Variants in PTPN6 observed in about 807,000 individuals in gnomAD.
PTPN6 encodes protein tyrosine phosphatase non-receptor type 6, also known as tyrosine-protein phosphatase non-receptor type 6.
PTPN6 carries 18 observed loss-of-function variants against 81.5 expected under a neutral mutation model. The ratio of observed to expected loss-of-function variants is 0.22; its 90% CI spans 0.15 to 0.33. The LOEUF is 0.33. Among genes scored for constraint, PTPN6 ranks in the 10% least tolerant of loss-of-function variants. The probability of loss-of-function intolerance (pLI) is 1.00; values close to 1 mark genes in which losing one functional copy is unlikely to be tolerated. For missense variants in PTPN6, 500 were observed against 794.2 expected (o/e 0.63, Z 4.45); for synonymous variants, 301 against 310.9 (o/e 0.97, Z 0.33).
At position 6,952,013 on chromosome 12, in the gene PTPN6, C is replaced by T; in HGVS notation, c.162C>T (p.Ile54=). The T allele has an allele frequency of 6.2e-7, 1 of 1,614,138 alleles. No homozygotes were observed. Among genetic ancestry groups the T allele is most frequent in the Non-Finnish European group, 8.5e-7 (1 of 1,180,026 alleles). Residue 54 remains isoleucine (I), a synonymous_variant, in exon 3 of 16, where the codon ATC becomes ATT. Coordinates refer to ENST00000318974, the MANE Select transcript of PTPN6 (RefSeq NM_002831.6). This position sits in a 1 kb window ranked among gnomAD's most constrained non-coding sequence, Gnocchi z 8.1. Reference sequence around the variant, plus strand: ...GGGATCAGGTGACCCATATTCGGATCCAGAACTCAGGGGATTTCTATGACC... The same window carrying T: ...GGGATCAGGTGACCCATATTCGGATTCAGAACTCAGGGGATTTCTATGACC... The part of the protein sequence containing the change: ...RVGDQVTHIR[I]QNSGDFYDLY...
rs930480610 is a variant in PTPN6 at position 6,960,960 on chromosome 12, C to T, written c.*25+15C>T. On this transcript the variant is annotated intron_variant, in intron 15 of 15. Coordinates refer to ENST00000318974, the MANE Select transcript of PTPN6 (RefSeq NM_002831.6). The surrounding 1 kb of genome is among the most constrained non-coding windows in gnomAD (Gnocchi z 6.1). ...AGGTGGCCATGGTACAGCTCTTCTG[C>T]CTGGGTGTCCTCCCTGCCCTGCCCT... is the stretch of plus-strand genomic sequence containing the variant. 1.3e-6 allele frequency: 2 copies of T among 1,553,400 alleles called. No individual in the cohort carries two copies. Among genetic ancestry groups the T allele is most frequent in the Non-Finnish European group, 1.7e-6 (2 of 1,148,574 alleles).
In PTPN6 at chr12:6,955,145, C is replaced by T; in HGVS notation, c.517-6C>T. On this transcript the variant is annotated splice_polypyrimidine_tract_variant and splice_region_variant and intron_variant, in intron 4 of 15. Transcript: ENST00000318974. This position sits in a 1 kb window ranked among gnomAD's most constrained non-coding sequence, Gnocchi z 7.2. Reference sequence around the variant, plus strand: ...CCTGTGAATGGCCTAATTTGGCTCCCCCCAGGGTGGACGCTACACAGTGGG... The same window carrying T: ...CCTGTGAATGGCCTAATTTGGCTCCTCCCAGGGTGGACGCTACACAGTGGG... 4.3e-6 allele frequency: 7 copies of T among 1,614,058 alleles called. No homozygotes were observed. The highest frequency in any genetic ancestry group is 5.9e-6 in the Non-Finnish European group (7 of 1,179,914).
In PTPN6 at chr12:6,955,990, C is replaced by A; in HGVS notation, c.845-152C>A. The A allele has an allele frequency of 3.5e-6, 3 of 858,124 alleles. No individual in the cohort carries two copies. The highest frequency in any genetic ancestry group is 1.4e-5 in the South Asian group (1 of 69,326). The allele number at this position is 858,124 out of a possible 1,614,324, so 53.2% of individuals were successfully genotyped here. A position where few individuals can be genotyped will look rare whatever the true frequency, so the allele number is the denominator to read the frequency against. The stretch of plus-strand genomic sequence containing the variant: ...TGTGAACTCCCTCACTCCCTCCATA[C>A]AGATGATCCCCCACCCCTGCTGCCC... On this transcript the variant is annotated intron_variant, in intron 7 of 15. Coordinates refer to ENST00000318974, the MANE Select transcript of PTPN6 (RefSeq NM_002831.6). This position sits in a 1 kb window ranked among gnomAD's most constrained non-coding sequence, Gnocchi z 7.2.
upstream of PTPN6, among the ~76,000 whole-genome samples, chr12:6,947,063 CAT>C (rs1565577414): frequency 6.6e-6 from 1 of 152,216 alleles, no homozygotes; most frequent in East Asian, 1.9e-4. Context: ...ACACCTCAAA[CAT>C]AGCAGTCAGA....
At chr12:6,947,402 G>A (rs1393386946), upstream of PTPN6, among the ~76,000 whole-genome samples, 1 of 152,214 alleles carries the variant, frequency 6.6e-6, no homozygotes, top group Non-Finnish European at 1.5e-5. Context: ...GGGTGTAGTG[G>A]TTCACACCTG....
Position 6,961,267 on chromosome 12 carries a change from G to C in PTPN6, c.*167G>C, listed in dbSNP as rs112396722. Reference sequence around the variant, plus strand: ...CTGTATATAGCCCAGCCAGGCCCCAGGCAGGGCCAACCCTTCTCCTCTTGT... The same window carrying C: ...CTGTATATAGCCCAGCCAGGCCCCACGCAGGGCCAACCCTTCTCCTCTTGT... On this transcript the variant is annotated 3_prime_UTR_variant, in exon 16 of 16. Coordinates refer to ENST00000318974, the MANE Select transcript of PTPN6 (RefSeq NM_002831.6). 2.0e-3 allele frequency: 728 copies of C among 360,186 alleles called. 4 individuals carry two copies. Among genetic ancestry groups the C allele is most frequent in the African/African-American group, 0.013 (630 of 47,864 alleles). 22.3% of individuals were successfully genotyped at this position (360,186 alleles called of 1,614,324 possible).
At position 6,954,943 on chromosome 12, in the gene PTPN6, G is replaced by A; in HGVS notation, c.465G>A (p.Lys155=). The A allele has an allele frequency of 1.2e-6, 2 of 1,614,204 alleles. No individual in the cohort carries two copies. The highest frequency in any genetic ancestry group is 2.2e-5 in the East Asian group (1 of 44,886). The change falls in exon 4 of 16, where the codon AAG becomes AAA. Residue 155 remains lysine (K), a synonymous_variant. Coordinates refer to ENST00000318974, the MANE Select transcript of PTPN6 (RefSeq NM_002831.6). The surrounding 1 kb of genome is among the most constrained non-coding windows in gnomAD (Gnocchi z 5.4). ...FVLSVLSDQP[K]AGPGSPLRVT... ...TTTCTGTGCTCAGTGACCAGCCCAA[G>A]GCTGGCCCAGGCTCCCCGCTCAGGG...
rs782520887 is a variant in PTPN6 at position 6,960,271 on chromosome 12, G to T, written c.1581+32G>T. 1.6e-5 allele frequency: 25 copies of T among 1,603,106 alleles called. No homozygotes were observed. Among genetic ancestry groups the T allele is most frequent in the East Asian group, 2.2e-5 (1 of 44,700 alleles). ...GCAGAGCAGGGCCTGGGGGGGGGGG[G>T]GGCTGCAGTGCAGGATGGGTGCCAC... On this transcript the variant is annotated intron_variant, in intron 13 of 15. Coordinates refer to ENST00000318974, the MANE Select transcript of PTPN6 (RefSeq NM_002831.6). This position sits in a 1 kb window ranked among gnomAD's most constrained non-coding sequence, Gnocchi z 6.1.
intron 11 of PTPN6, 59 bp downstream of exon 11, chr12:6,958,132 C>T: frequency 6.3e-7 from 1 of 1,591,806 alleles, no homozygotes; most frequent in Non-Finnish European, 8.5e-7. Flanking sequence ...CTGCTAAGTG[C>T]CATGAGCTGT....
In PTPN6 at chr12:6,961,307, GA is replaced by G. The variant is rs1415583799; in HGVS notation, c.*208del. On this transcript the variant is annotated 3_prime_UTR_variant, in exon 16 of 16. Transcript: ENST00000318974. ...TCTCCTCTTGTAAATAAAGCCCTGG[GA>G]TCACTGTGTGTCGCCTCTGAGCCCT... 5 of 305,636 alleles carry G rather than the reference GA, an allele frequency of 1.6e-5. No homozygotes were observed. The East Asian group carries it at 3.9e-4, about 24-fold the overall frequency. 18.9% of individuals were successfully genotyped at this position (305,636 alleles called of 1,614,324 possible).
At position 6,952,660 on chromosome 12, in the gene PTPN6, C is replaced by T. The variant is rs1276540646; in HGVS notation, c.326+483C>T. 2.4e-5 allele frequency: 6 copies of T among 253,782 alleles called. No homozygotes were observed. Among genetic ancestry groups the T allele is most frequent in the South Asian group, 8.8e-5 (2 of 22,720 alleles). The allele number at this position is 253,782 out of a possible 1,614,324, so 15.7% of individuals were successfully genotyped here. A position where few individuals can be genotyped will look rare whatever the true frequency, so the allele number is the denominator to read the frequency against. ...ACTTGATGCCTTGTCCCAGCCGCCC[C>T]GTGGGGATGGGTCTGTCCTGTGGGG... On this transcript the variant is annotated intron_variant, in intron 3 of 15. Coordinates refer to ENST00000318974, the MANE Select transcript of PTPN6 (RefSeq NM_002831.6). This position sits in a 1 kb window ranked among gnomAD's most constrained non-coding sequence, Gnocchi z 8.1.
upstream of PTPN6, among the ~76,000 whole-genome samples, chr12:6,950,033 G>A: frequency 9.5e-6 from 1 of 104,886 alleles, no homozygotes; most frequent in Non-Finnish European, 2.0e-5. Context: ...GCCAGCCTTG[G>A]CCTCCCAAAG....
At position 6,960,864 on chromosome 12, in the gene PTPN6, A is replaced by G; in HGVS notation, c.1732A>G (p.Lys578Glu). The G allele has an allele frequency of 6.3e-7, 1 of 1,581,942 alleles. No homozygotes were observed. The highest frequency in any genetic ancestry group is 8.6e-7 in the Non-Finnish European group (1 of 1,163,380). ...TAAGAACAAGAGGGAGGAGAAAGTG[A>G]AGAAGCAGCGGTCAGCAGACAAGGA... ...HTKNKREEKV[K>E]KQRSADKEKS... is the part of the protein sequence containing the mutation. Residue 578 changes from lysine (K) to glutamate (E), a missense_variant, in exon 15 of 16, where the codon AAG becomes GAG. Transcript: ENST00000318974. This position sits in a 1 kb window ranked among gnomAD's most constrained non-coding sequence, Gnocchi z 6.1.
rs200471577 is a variant in PTPN6, at chr12:6,954,829, C to T, written c.351C>T (p.Gly117=). ...SERWYHGHMS[G]GQAETLLQAK... ...GGTGGTACCATGGCCACATGTCTGG[C>T]GGGCAGGCAGAGACGCTGCTGCAGG... Residue 117 remains glycine, a synonymous_variant, in exon 4 of 16, where the codon GGC becomes GGT. Coordinates refer to ENST00000318974, the MANE Select transcript of PTPN6 (RefSeq NM_002831.6). This position sits in a 1 kb window ranked among gnomAD's most constrained non-coding sequence, Gnocchi z 5.4. 1.4e-4 allele frequency: 229 copies of T among 1,613,964 alleles called. 1 individual carries two copies. Among genetic ancestry groups the T allele is most frequent in the Middle Eastern group, 3.3e-4 (2 of 6,080 alleles).
At position 6,959,669 on chromosome 12, in the gene PTPN6, G is replaced by A. The variant is rs11834425; in HGVS notation, c.1362-258G>A. The A allele has an allele frequency of 3.8e-5, 22 of 583,046 alleles. No individual in the cohort carries two copies. In the Admixed American group the frequency reaches 3.9e-4, roughly 10 times the overall value. The allele number at this position is 583,046 out of a possible 1,614,324, so 36.1% of individuals were successfully genotyped here. On this transcript the variant is annotated intron_variant, in intron 11 of 15. Transcript: ENST00000318974. The surrounding 1 kb of genome is among the most constrained non-coding windows in gnomAD (Gnocchi z 6.6). ...AGCCACTCACTAGGAGTGAGGAGTC[G>A]GCGCGAGGAGTGGAGGAGGGAAGGA...
In PTPN6 at chr12:6,952,156, G is replaced by C. The variant is rs1555147887; in HGVS notation, c.305G>C (p.Cys102Ser). 6.2e-7 allele frequency: 1 copy of C among 1,614,012 alleles called. No homozygotes were observed. The highest frequency in any genetic ancestry group is 8.5e-7 in the Non-Finnish European group (1 of 1,180,014). Residue 102 changes from cysteine (C) to serine (S), a missense_variant, in exon 3 of 16, where the codon TGC (cysteine) becomes TCC (serine). Physicochemically the swap from Cys to Ser is moderately radical, Grantham distance 112 (BLOSUM62 -1). Around this residue, in one of 6 missense-constraint regions of PTPN6, gnomAD observed 98 missense variants for 199.2 expected, o/e 0.49. Transcript: ENST00000318974. The surrounding 1 kb of genome is among the most constrained non-coding windows in gnomAD (Gnocchi z 8.1). ...ATCCACCTCAAGTACCCGCTGAACT[G>C]CTCCGATCCCACTAGTGAGAGGTGA... ...TIIHLKYPLNCSDPTSERWYH... is the reference protein window; with the variant it reads ...TIIHLKYPLNSSDPTSERWYH...
upstream of PTPN6, among the ~76,000 whole-genome samples, chr12:6,948,228 G>A (rs1171705197): frequency 6.6e-6 from 1 of 151,810 alleles, no homozygotes; most frequent in Non-Finnish European, 1.5e-5. Context: ...GACCACCCTG[G>A]GCAACATAGG....
upstream of PTPN6, among the ~76,000 whole-genome samples, chr12:6,949,837 G>A (rs1319945372): frequency 2.0e-5 from 3 of 146,554 alleles, no homozygotes; most frequent in Admixed American, 2.0e-4. Flanking sequence ...TTTTTGAGAC[G>A]GAGTTTCACT....
At chr12:6,947,302 G>C (rs888018469), upstream of PTPN6, among the ~76,000 whole-genome samples, 9 of 152,226 alleles carry the variant, frequency 5.9e-5, no homozygotes, top group African/African-American at 1.7e-4. Flanking sequence ...TTACATTCCA[G>C]TGGGAGGTTA....
Sources: gnomAD v4.1 joint callset for allele counts (sites outside exome capture counted in the v4.1 genomes callset) on GRCh38, gnomAD v4.1.1 for gene constraint, gnomAD v4.1.1 regional missense constraint, Gnocchi (gnomAD v3.1) non-coding constraint, MANE v1.5 for transcripts, NCBI Gene and HGNC (gene_info 2026-07-23, HGNC 2026-07-21) for gene names.